The following CALD1 variants were observed in gnomAD, a reference collection of about 807,000 sequenced individuals.
CALD1 encodes the protein caldesmon.
In CALD1, 33 loss-of-function variants were observed where a neutral mutation model predicts 99.9. The ratio of observed to expected loss-of-function variants is 0.33; its 90% CI spans 0.25 to 0.44. The LOEUF (loss-of-function observed/expected upper bound fraction) is 0.44. CALD1 is among the 20% of genes least tolerant of loss of function. The probability of loss-of-function intolerance (pLI) is 1.00; values close to 1 mark genes in which losing one functional copy is unlikely to be tolerated. For missense variants in CALD1, 861 were observed against 962.1 expected (o/e 0.89, Z 1.39); for synonymous variants, 310 against 325.0 (o/e 0.95, Z 0.50).
intron 3 of CALD1, among the ~76,000 whole-genome samples, chr7:134,886,774 C>T (rs1335333932): frequency 6.6e-6 from 1 of 152,190 alleles, no homozygotes; most frequent in African/African-American, 2.4e-5. Flanking sequence ...GGACCTTGAT[C>T]ACAGGATGTC....
intron 8 of CALD1, 89 bp downstream of exon 8, chr7:134,947,858 A>G: frequency 6.8e-7 from 1 of 1,460,708 alleles, no homozygotes; most frequent in Non-Finnish European, 9.2e-7. Context: ...GCTCTCAAAA[A>G]TATTTTTTTA....
At chr7:134,753,224 T>C (rs1186057738) in intron 1 of CALD1, among the ~76,000 whole-genome samples, 2 of 151,872 alleles carry the variant, frequency 1.3e-5, no homozygotes, top group African/African-American at 4.8e-5. Context: ...GATCCAGAAA[T>C]TGTGATGACT....
At chr7:134,937,929 A>G (rs2133028959) in intron 6 of CALD1, among the ~76,000 whole-genome samples, 1 of 152,294 alleles carries the variant, frequency 6.6e-6, no homozygotes, top group African/African-American at 2.4e-5. Flanking sequence ...TTCTTCATGC[A>G]GGAGCTATTT....
At chr7:134,916,089 GT>G (rs1159106388) in intron 3 of CALD1, among the ~76,000 whole-genome samples, 2 of 152,144 alleles carry the variant, frequency 1.3e-5, no homozygotes, top group East Asian at 3.9e-4. Context: ...TCCACTCAAG[GT>G]TTGTCTTTTT....
At chr7:134,956,827 G>C (rs958300851) in intron 9 of CALD1, among the ~76,000 whole-genome samples, 1 of 152,180 alleles carries the variant, frequency 6.6e-6, no homozygotes, top group Non-Finnish European at 1.5e-5. Context: ...ATTTGCTCAT[G>C]GTATTGATAG....
intron 1 of CALD1, among the ~76,000 whole-genome samples, chr7:134,816,815 C>T (rs1387509434): frequency 6.6e-6 from 1 of 152,190 alleles, no homozygotes; most frequent in Non-Finnish European, 1.5e-5. Flanking sequence ...AATCCCATGG[C>T]TTCAATAGGT....
Position 134,960,686 on chromosome 7 carries a change from G to A in CALD1, c.2295+58G>A, listed in dbSNP as rs575243746. On this transcript the variant is annotated intron_variant, in intron 13 of 14. Coordinates refer to ENST00000361675, the MANE Select transcript of CALD1 (RefSeq NM_033138.4). ...GATCTCCCAGCTTCTACCAGCAGAA[G>A]AAAACAAGCAGTTGGTCTGTTTACC... 2.0e-5 allele frequency: 22 copies of A among 1,107,502 alleles called. 1 individual carries two copies. The South Asian group carries it at 2.8e-4, about 14-fold the overall frequency. 68.6% of individuals were successfully genotyped at this position (1,107,502 alleles called of 1,614,324 possible).
At chr7:134,773,555 G>A (rs906111589) in intron 1 of CALD1, among the ~76,000 whole-genome samples, 1 of 151,988 alleles carries the variant, frequency 6.6e-6, no homozygotes, top group Admixed American at 6.6e-5. Flanking sequence ...ATGAACCACC[G>A]TGCCCAGTTG....
upstream of CALD1, among the ~76,000 whole-genome samples, chr7:134,774,988 T>C (rs2131642433): frequency 6.6e-6 from 1 of 152,188 alleles, no homozygotes; most frequent in South Asian, 2.1e-4. Flanking sequence ...ATTAGTCTTT[T>C]CATTTGTTAA....
At chr7:134,859,170 C>T (rs1480715135) in intron 2 of CALD1, among the ~76,000 whole-genome samples, 1 of 152,196 alleles carries the variant, frequency 6.6e-6, no homozygotes, top group Non-Finnish European at 1.5e-5. Context: ...TAGGGGTCTA[C>T]CCTTTCCATG....
At chr7:134,852,509 T>A (rs10279303) in intron 2 of CALD1, among the ~76,000 whole-genome samples, 7 of 152,014 alleles carry the variant, frequency 4.6e-5, no homozygotes, top group African/African-American at 1.4e-4. Context: ...ACCAAGGAAT[T>A]TGCACCTCCC....
At chr7:134,727,936 G>C in the CALD1 span, among the ~76,000 whole-genome samples, 1 of 152,170 alleles carries the variant, frequency 6.6e-6, no homozygotes, top group Non-Finnish European at 1.5e-5. Flanking sequence ...ATTTTAGTCA[G>C]ACATATTTGA....
At chr7:134,930,162 A>T (rs1805419628) in intron 4 of CALD1, among the ~76,000 whole-genome samples, 1 of 152,158 alleles carries the variant, frequency 6.6e-6, no homozygotes, top group African/African-American at 2.4e-5. Flanking sequence ...GTTTGCTATT[A>T]CGTATTTTCT....
At chr7:134,849,371 CTCTGT>C (rs1799981942) in intron 2 of CALD1, among the ~76,000 whole-genome samples, 2 of 152,164 alleles carry the variant, frequency 1.3e-5, no homozygotes, top group Non-Finnish European at 2.9e-5. Context: ...ATGCTGCTTC[CTCTGT>C]ATCCATAGGG....
chr7:134,935,854 G>C, intron 6 of CALD1, 89 bp downstream of exon 6: 15 of 1,284,006 alleles, frequency 1.2e-5, no homozygotes, highest in South Asian at 2.9e-5. Context: ...TCTCAAAATT[G>C]TAACCTCATA....
chr7:134,725,877 C>T, the CALD1 span, among the ~76,000 whole-genome samples: 88 of 152,282 alleles, frequency 5.8e-4, no homozygotes, highest in Non-Finnish European at 9.0e-4. Flanking sequence ...ATTGGAGTGA[C>T]GTGGCCAAGG....
At chr7:134,811,755 C>T (rs1798361930) in intron 1 of CALD1, among the ~76,000 whole-genome samples, 1 of 152,140 alleles carries the variant, frequency 6.6e-6, no homozygotes, top group African/African-American at 2.4e-5. Context: ...TCCCTCTTTA[C>T]TTGTTACTTA....
chr7:134,848,833 A>T (rs1799959562), intron 2 of CALD1, among the ~76,000 whole-genome samples: 1 of 152,214 alleles, frequency 6.6e-6, no homozygotes, highest in Non-Finnish European at 1.5e-5. Flanking sequence ...TATAAATTTT[A>T]AAATGCAATT....
At chr7:134,749,156 G>A (rs1291054018) in intron 1 of CALD1, among the ~76,000 whole-genome samples, 1 of 152,220 alleles carries the variant, frequency 6.6e-6, no homozygotes, top group Non-Finnish European at 1.5e-5. Context: ...TCTGGAAAGA[G>A]GAATCTAGTG....
Sources: allele counts gnomAD v4.1 joint callset (sites outside exome capture counted in the v4.1 genomes callset), GRCh38; gene constraint gnomAD v4.1.1; transcripts MANE v1.5; gene names NCBI Gene and HGNC (gene_info 2026-07-23, HGNC 2026-07-21).